The following SAMMSON variants were observed in gnomAD, a reference collection of about 807,000 sequenced individuals.
SAMMSON encodes the protein long intergenic non-protein coding RNA 1212.
At chr3:70,225,603 A>G (rs1176314763) in intron 4 of SAMMSON, among the ~76,000 whole-genome samples, 1 of 147,104 alleles carries the variant, frequency 6.8e-6, no homozygotes, top group Non-Finnish European at 1.5e-5. Context: ...AAAAGTGAAG[A>G]TGCTAGAAGC....
At chr3:70,037,608 A>G (rs2067091238) in intron 3 of SAMMSON, among the ~76,000 whole-genome samples, 1 of 152,130 alleles carries the variant, frequency 6.6e-6, no homozygotes, top group Non-Finnish European at 1.5e-5. Context: ...GTGAGCCATT[A>G]TCCCTTAGCC....
At chr3:70,286,439 C>T (rs936901675) in intron 6 of SAMMSON, among the ~76,000 whole-genome samples, 24 of 151,704 alleles carry the variant, frequency 1.6e-4, no homozygotes, top group African/African-American at 5.6e-4. Flanking sequence ...GGTACCAGTA[C>T]CATGCTGTTT....
chr3:70,148,714 C>T (rs2067558935), intron 4 of SAMMSON, among the ~76,000 whole-genome samples: 1 of 152,004 alleles, frequency 6.6e-6, no homozygotes, highest in South Asian at 2.1e-4. Context: ...CCTACTAGAG[C>T]AAGAACTCAC....
At chr3:70,268,898 T>G (rs1701948524) in intron 6 of SAMMSON, among the ~76,000 whole-genome samples, 1 of 152,180 alleles carries the variant, frequency 6.6e-6, no homozygotes, top group Non-Finnish European at 1.5e-5. Context: ...GGAGCACATA[T>G]TATGTATGGC....
chr3:70,084,112 A>G (rs1559787706), intron 4 of SAMMSON, among the ~76,000 whole-genome samples: 4 of 152,132 alleles, frequency 2.6e-5, no homozygotes, highest in African/African-American at 7.2e-5. Context: ...CCACCTTGAC[A>G]CTTTCACATC....
At chr3:70,273,746 T>A (rs1701996444) in intron 6 of SAMMSON, among the ~76,000 whole-genome samples, 1 of 152,242 alleles carries the variant, frequency 6.6e-6, no homozygotes, top group Non-Finnish European at 1.5e-5. Flanking sequence ...AGTAGCTTTT[T>A]CAGATTTGTT....
chr3:70,186,089 A>G (rs1701089061), intron 4 of SAMMSON, among the ~76,000 whole-genome samples: 1 of 152,140 alleles, frequency 6.6e-6, no homozygotes, highest in Non-Finnish European at 1.5e-5. Context: ...CAACATCCCC[A>G]CTTCAAACAC....
At chr3:70,224,983 A>G (rs532209770) in intron 4 of SAMMSON, among the ~76,000 whole-genome samples, 23 of 152,332 alleles carry the variant, frequency 1.5e-4, no homozygotes, top group Non-Finnish European at 4.4e-5. Flanking sequence ...GATTTTGGAT[A>G]GGTGACATGA....
At chr3:70,123,090 G>A (rs1042559431) in intron 4 of SAMMSON, among the ~76,000 whole-genome samples, 3 of 152,106 alleles carry the variant, frequency 2.0e-5, no homozygotes, top group African/African-American at 7.2e-5. Flanking sequence ...CCATTCAGAG[G>A]GCTTGTTAGA....
intron 7 of SAMMSON, chr3:70,291,911 TCTTA>T (rs1327951831): frequency 6.6e-6 from 1 of 152,244 alleles, no homozygotes; most frequent in East Asian, 1.9e-4. Flanking sequence ...ATCTTTCGCC[TCTTA>T]CTTAAATTGT....
chr3:70,062,786 C>G (rs1448450037), intron 3 of SAMMSON, among the ~76,000 whole-genome samples: 1 of 152,058 alleles, frequency 6.6e-6, no homozygotes, highest in Non-Finnish European at 1.5e-5. Flanking sequence ...GAAAGTCAGT[C>G]GTCCTCATGT....
At chr3:70,128,495 T>C (rs1211187268) in intron 4 of SAMMSON, among the ~76,000 whole-genome samples, 1 of 152,206 alleles carries the variant, frequency 6.6e-6, no homozygotes, top group Non-Finnish European at 1.5e-5. Flanking sequence ...CATTTCATAT[T>C]TTAAAAGGTA....
At chr3:70,013,879 G>A (rs2066969385) in intron 3 of SAMMSON, 1 of 152,066 alleles carries the variant, frequency 6.6e-6, no homozygotes, top group South Asian at 2.1e-4. Flanking sequence ...AAATTTCAGA[G>A]GTGTGGCTAG....
At chr3:70,232,780 T>A (rs1701572829) in intron 4 of SAMMSON, among the ~76,000 whole-genome samples, 1 of 152,212 alleles carries the variant, frequency 6.6e-6, no homozygotes, top group Admixed American at 6.5e-5. Flanking sequence ...TCACAGGGAC[T>A]GACTTCTTAC....
intron 2 of SAMMSON, among the ~76,000 whole-genome samples, chr3:70,418,201 A>C (rs909203488): frequency 6.6e-6 from 1 of 152,220 alleles, no homozygotes; most frequent in African/African-American, 2.4e-5. Flanking sequence ...GGAGCAGTGT[A>C]CAATGAAGAT....
At chr3:70,212,241 A>G (rs1442886929) in intron 4 of SAMMSON, among the ~76,000 whole-genome samples, 2 of 152,148 alleles carry the variant, frequency 1.3e-5, no homozygotes, top group Admixed American at 1.3e-4. Context: ...CAAGAAGCTC[A>G]CAGTAATCAC....
At chr3:70,095,896 A>T (rs1353037583) in intron 4 of SAMMSON, 1 of 152,196 alleles carries the variant, frequency 6.6e-6, no homozygotes, top group African/African-American at 2.4e-5. Context: ...CATATCACTG[A>T]CACATATAAG....
intron 4 of SAMMSON, among the ~76,000 whole-genome samples, chr3:70,113,379 T>C (rs931998630): frequency 2.0e-5 from 3 of 152,196 alleles, no homozygotes; most frequent in Non-Finnish European, 4.4e-5. Context: ...CTGGGTCATA[T>C]TCATGTGACT....
chr3:70,017,021 G>T (rs944131407), intron 3 of SAMMSON, among the ~76,000 whole-genome samples: 10 of 152,168 alleles, frequency 6.6e-5, no homozygotes, highest in Non-Finnish European at 1.3e-4. Flanking sequence ...CAGGTAGCGT[G>T]ATGCCTCCAG....
Sources: allele counts gnomAD v4.1 joint callset (sites outside exome capture counted in the v4.1 genomes callset), GRCh38; gene constraint gnomAD v4.1.1; transcripts MANE v1.5; gene names NCBI Gene and HGNC (gene_info 2026-07-23, HGNC 2026-07-21).